Variants in IL1RAPL1 observed in about 807,000 individuals in gnomAD.
IL1RAPL1 encodes interleukin 1 receptor accessory protein like 1, also known as interleukin-1 receptor accessory protein-like 1.
In IL1RAPL1, 3 loss-of-function variants were observed where a neutral mutation model predicts 48.4. That is an observed-to-expected ratio of 0.06 (90% CI 0.03 to 0.16). IL1RAPL1 has a LOEUF of 0.16. Among genes scored for constraint, IL1RAPL1 ranks in the 10% least tolerant of loss-of-function variants. The pLI, the probability that IL1RAPL1 is intolerant of heterozygous loss-of-function variation, is 1.00. For missense variants in IL1RAPL1, 349 were observed against 530.6 expected (o/e 0.66, Z 3.36); for synonymous variants, 185 against 187.7 (o/e 0.99, Z 0.12).
chrX:29,231,671 C>T (rs770143173), intron 2 of IL1RAPL1, among the ~76,000 whole-genome samples: 4 of 111,781 alleles, frequency 3.6e-5, no homozygotes, highest in South Asian at 3.7e-4. Flanking sequence ...TCCTAGTTTA[C>T]GCCTACCCCA....
At chrX:28,970,701 A>G (rs1178982742) in intron 2 of IL1RAPL1, among the ~76,000 whole-genome samples, 1 of 111,975 alleles carries the variant, frequency 8.9e-6, no homozygotes, top group Non-Finnish European at 1.9e-5. Context: ...ATAATTTTCT[A>G]CAAAAATTTA....
chrX:29,884,831 C>G (rs1932113145), intron 6 of IL1RAPL1, among the ~76,000 whole-genome samples: 1 of 111,386 alleles, frequency 9.0e-6, no homozygotes, highest in Non-Finnish European at 1.9e-5. Context: ...ACTTTTTATT[C>G]TCTCACTCTT....
chrX:29,094,494 A>C (rs1346835118), intron 2 of IL1RAPL1, among the ~76,000 whole-genome samples: 1 of 106,509 alleles, frequency 9.4e-6, no homozygotes, highest in Non-Finnish European at 1.9e-5. Flanking sequence ...ATGGTGGCTC[A>C]CGCCTGTAAT....
At position 28,735,825 on chromosome X, in the gene IL1RAPL1, C is replaced by T. The variant is rs773081989; in HGVS notation, c.-24-53495C>T. Among the ~76,000 whole-genome samples the T allele has an allele frequency of 4.4e-3, 482 of 110,731 alleles. 2 individuals carry two copies. Among genetic ancestry groups the T allele is most frequent in the Non-Finnish European group, 7.7e-3 (405 of 52,881 alleles). On this transcript the variant is annotated intron_variant, in intron 1 of 10. Coordinates refer to ENST00000378993, the MANE Select transcript of IL1RAPL1 (RefSeq NM_014271.4). The stretch of plus-strand genomic sequence containing the variant: ...ATCTTAGGGATAAATTGCTTAAAAA[C>T]AAGATAAAGTTTCAAACAAATACCT...
rs12862155 is a variant in IL1RAPL1 at position 29,903,187 on chromosome X, A to T, written c.779-14277A>T. On this transcript the variant is annotated intron_variant, in intron 6 of 10. Transcript: ENST00000378993. ...GTGTGTGTGTGTGTGTGTGTGTGAG[A>T]GAGAGAGAGAGAGAGAGACAAAGAA... is the stretch of plus-strand genomic sequence containing the variant. 4.9e-3 allele frequency among the ~76,000 whole-genome samples: 477 copies of T among 96,729 alleles called. 4 individuals carry two copies. The highest frequency in any genetic ancestry group is 0.02 in the African/African-American group (455 of 22,700). The allele number at this position is 96,729 out of a possible 115,157, so 84.0% of individuals were successfully genotyped here. A position where few individuals can be genotyped will look rare whatever the true frequency, so the allele number is the denominator to read the frequency against.
intron 5 of IL1RAPL1, among the ~76,000 whole-genome samples, chrX:29,425,649 G>A (rs1360584065): frequency 9.0e-6 from 1 of 111,061 alleles, no homozygotes; most frequent in Non-Finnish European, 1.9e-5. Context: ...GCATGATTAC[G>A]GCTCACTGCT....
intron 6 of IL1RAPL1, among the ~76,000 whole-genome samples, chrX:29,916,749 A>G (rs1932802757): frequency 8.9e-6 from 1 of 112,099 alleles, no homozygotes; most frequent in Admixed American, 9.5e-5. Flanking sequence ...AAGAGACTTC[A>G]ATTTACCTTA....
chrX:29,735,870 T>C (rs772064483), intron 6 of IL1RAPL1, among the ~76,000 whole-genome samples: 2 of 112,659 alleles, frequency 1.8e-5, no homozygotes, highest in Non-Finnish European at 3.7e-5. Context: ...AATCAGTTAC[T>C]GGAAACAGAG....
chrX:29,180,646 G>T (rs1211361344), intron 2 of IL1RAPL1, among the ~76,000 whole-genome samples: 3 of 110,930 alleles, frequency 2.7e-5, no homozygotes, highest in Non-Finnish European at 5.7e-5. Flanking sequence ...CGAAATGGTG[G>T]GATTACAGAT....
intron 6 of IL1RAPL1, among the ~76,000 whole-genome samples, chrX:29,819,349 T>A (rs1047194269): frequency 3.6e-5 from 4 of 111,143 alleles, no homozygotes; most frequent in African/African-American, 1.3e-4. Context: ...AGACGTTAAC[T>A]AGAGGGAAAT....
At chrX:29,529,087 T>C (rs1935584775) in intron 5 of IL1RAPL1, among the ~76,000 whole-genome samples, 1 of 111,015 alleles carries the variant, frequency 9.0e-6, no homozygotes, top group Non-Finnish European at 1.9e-5. Flanking sequence ...TCGAGGTACA[T>C]TTTATAATAT....
At chrX:29,506,890 G>A (rs1186651181) in intron 5 of IL1RAPL1, among the ~76,000 whole-genome samples, 3 of 110,982 alleles carry the variant, frequency 2.7e-5, no homozygotes, top group Non-Finnish European at 5.7e-5. Flanking sequence ...GGTGGGGAAA[G>A]TCATTGCTCA....
intron 2 of IL1RAPL1, among the ~76,000 whole-genome samples, chrX:28,861,009 A>T (rs1209872713): frequency 9.0e-6 from 1 of 111,446 alleles, no homozygotes; most frequent in African/African-American, 3.3e-5. Context: ...GTAAATTTTT[A>T]TTTATTTAAT....
intron 6 of IL1RAPL1, among the ~76,000 whole-genome samples, chrX:29,760,988 C>T (rs1230149238): frequency 1.8e-5 from 2 of 111,245 alleles, no homozygotes; most frequent in Non-Finnish European, 3.8e-5. Context: ...TCTGATAGTA[C>T]GTGGATTTCT....
chrX:29,076,395 G>A (rs1398784846), intron 2 of IL1RAPL1, among the ~76,000 whole-genome samples: 1 of 111,740 alleles, frequency 8.9e-6, no homozygotes, highest in Non-Finnish European at 1.9e-5. Context: ...TACTGTCAAG[G>A]CATAAAGCCA....
At chrX:29,358,764 A>G (rs570978056) in intron 3 of IL1RAPL1, among the ~76,000 whole-genome samples, 2 of 111,027 alleles carry the variant, frequency 1.8e-5, no homozygotes, top group South Asian at 3.8e-4. Flanking sequence ...CACGCCTGTA[A>G]TCTCAGCACT....
chrX:28,808,869 T>G (rs1936760401), intron 2 of IL1RAPL1, among the ~76,000 whole-genome samples: 1 of 110,778 alleles, frequency 9.0e-6, no homozygotes, highest in Non-Finnish European at 1.9e-5. Flanking sequence ...GTGAAATGCT[T>G]TTACTCAGTG....
intron 6 of IL1RAPL1, among the ~76,000 whole-genome samples, chrX:29,840,822 G>A (rs1931122334): frequency 8.9e-6 from 1 of 111,901 alleles, no homozygotes; most frequent in Non-Finnish European, 1.9e-5. Flanking sequence ...GGGATCAAAT[G>A]TTAATAAGGA....
chrX:29,778,937 G>C (rs1167914309), intron 6 of IL1RAPL1, among the ~76,000 whole-genome samples: 1 of 111,151 alleles, frequency 9.0e-6, no homozygotes, highest in Non-Finnish European at 1.9e-5. Context: ...AAACTTAAAG[G>C]TTCACATGAA....
Sources: allele counts gnomAD v4.1 joint callset (sites outside exome capture counted in the v4.1 genomes callset), GRCh38; gene constraint gnomAD v4.1.1; transcripts MANE v1.5; gene names NCBI Gene and HGNC (gene_info 2026-07-23, HGNC 2026-07-21).